FTSJ3: variants seen among roughly 807,000 people sequenced by gnomAD.
FTSJ3 encodes pre-rRNA 2'-O-ribose RNA methyltransferase FTSJ3.
A neutral mutation model predicts 111.5 loss-of-function variants in FTSJ3; 46 were observed. The observed-to-expected ratio is 0.41, with a 90% CI of 0.33 to 0.53. The LOEUF is 0.53. Among genes scored for constraint, FTSJ3 ranks in the 20% least tolerant of loss-of-function variants. The probability of loss-of-function intolerance (pLI) is 0.19; values close to 1 mark genes in which losing one functional copy is unlikely to be tolerated. For missense variants in FTSJ3, 1,075 were observed against 1,063.8 expected (o/e 1.01, Z -0.15); for synonymous variants, 408 against 383.0 (o/e 1.07, Z -0.76).
Position 63,822,152 on chromosome 17 carries a change from G to T in FTSJ3, c.1307C>A (p.Thr436Lys). The change falls in exon 14 of 21, where the codon ACA becomes AAA. Residue 436 changes from threonine to lysine, a missense_variant. Physicochemically the swap from Thr to Lys is moderately conservative, Grantham distance 78 (BLOSUM62 -1). Coordinates refer to ENST00000427159, the MANE Select transcript of FTSJ3 (RefSeq NM_017647.4). ...GTCTGCTGCACTCATATCCCCTTGT[G>T]TTACTTCCTCTAATAACTGAAGTGT... The part of the protein sequence containing the change: ...IRGHQLLEEV[T>K]QGDMSAADTF... The T allele has an allele frequency of 6.2e-7, 1 of 1,613,682 alleles. No homozygotes were observed. The highest frequency in any genetic ancestry group is 8.5e-7 in the Non-Finnish European group (1 of 1,179,770).
At chr17:63,825,761 C>A in intron 5 of FTSJ3, 126 bp from the exon 6 acceptor site, 3 of 746,546 alleles carry the variant, frequency 4.0e-6, no homozygotes, top group Non-Finnish European at 4.5e-6. Context: ...ACAGGAGATA[C>A]AATAGTAAAC....
rs1430991413 is a variant in FTSJ3, at chr17:63,819,689, C to T, written c.*113G>A. 4 of 1,004,694 alleles carry T rather than the reference C, an allele frequency of 4.0e-6. No homozygotes were observed. The highest frequency in any genetic ancestry group is 1.6e-5 in the African/African-American group (1 of 62,044). 62.2% of individuals were successfully genotyped at this position (1,004,694 alleles called of 1,614,324 possible). A position where few individuals can be genotyped will look rare whatever the true frequency, so the allele number is the denominator to read the frequency against. On this transcript the variant is annotated 3_prime_UTR_variant, in exon 21 of 21. Transcript: ENST00000427159. ...CTAGGCACTCCACCTCACTGTTCTTCAGACAGCTGTGATGTGAGCAGGGGC... is the reference window on the plus strand; with the variant it reads ...CTAGGCACTCCACCTCACTGTTCTTTAGACAGCTGTGATGTGAGCAGGGGC...
Position 63,826,653 on chromosome 17 carries a change from A to C in FTSJ3, c.87T>G (p.Ala29=). The part of the protein sequence containing the change: ...AKETGYRSRS[A]FKLIQLNRRF... ...GGCGATTGAGCTGGATCAGCTTGAA[A>C]GCAGATCGGGAACGGTAACCTGGAC... is the stretch of plus-strand genomic sequence containing the variant. Residue 29 remains alanine (A), a synonymous_variant, in exon 3 of 21, where the codon GCT becomes GCG. Transcript: ENST00000427159. 2.5e-6 allele frequency: 4 copies of C among 1,614,062 alleles called. No individual in the cohort carries two copies. The highest frequency in any genetic ancestry group is 3.4e-6 in the Non-Finnish European group (4 of 1,179,962).
chr17:63,823,301 G>A (rs114783144), intron 13 of FTSJ3, among the ~76,000 whole-genome samples: 1,714 of 152,168 alleles, frequency 0.011, 27 homozygotes, highest in African/African-American at 0.04. Flanking sequence ...AGTTCTTCAA[G>A]AATAAATCTA....
chr17:63,821,023 C>T lies in FTSJ3; in HGVS notation c.1972+7G>A. The T allele has an allele frequency of 1.9e-6, 3 of 1,613,822 alleles. No individual in the cohort carries two copies. The highest frequency in any genetic ancestry group is 2.5e-6 in the Non-Finnish European group (3 of 1,179,688). On this transcript the variant is annotated splice_region_variant and intron_variant, in intron 17 of 20. Coordinates refer to ENST00000427159, the MANE Select transcript of FTSJ3 (RefSeq NM_017647.4). ...TTTTCTCATTCCACTGCATACAGAGCTCTCACCTGGGTCCTCAATAGGCAC... is the reference window on the plus strand; with the variant it reads ...TTTTCTCATTCCACTGCATACAGAGTTCTCACCTGGGTCCTCAATAGGCAC...
chr17:63,826,757 G>T, intron 2 of FTSJ3, 79 bp downstream of exon 2: 1 of 1,553,516 alleles, frequency 6.4e-7, no homozygotes, highest in Non-Finnish European at 8.9e-7. Flanking sequence ...TGCAGGAGAG[G>T]TACATAATGG....
chr17:63,824,766 G>C (rs749232234), intron 9 of FTSJ3, 29 bp from the exon 10 acceptor site: 3 of 1,607,210 alleles, frequency 1.9e-6, no homozygotes, highest in Non-Finnish European at 2.6e-6. Context: ...AGGTGTCAGG[G>C]GAGATCCTCA....
chr17:63,822,586 C>G (rs1469546300), intron 13 of FTSJ3, among the ~76,000 whole-genome samples: 1 of 152,254 alleles, frequency 6.6e-6, no homozygotes, highest in Non-Finnish European at 1.5e-5. Flanking sequence ...TCCAACAAAA[C>G]TGTTCCACTT....
chr17:63,826,811 G>T, intron 2 of FTSJ3, 25 bp downstream of exon 2: 1 of 1,609,588 alleles, frequency 6.2e-7, no homozygotes, highest in South Asian at 1.1e-5. Flanking sequence ...TCGCTCGCTC[G>T]CAGACTGAGC....
At chr17:63,824,563 T>C in intron 10 of FTSJ3, 74 bp downstream of exon 10, 1 of 1,439,450 alleles carries the variant, frequency 6.9e-7, no homozygotes. Context: ...CAATATCCTC[T>C]TCCCAGAGGT....
intron 18 of FTSJ3, among the ~76,000 whole-genome samples, 177 bp downstream of exon 18, chr17:63,820,662 C>T (rs1726506555): frequency 6.6e-6 from 1 of 151,012 alleles, no homozygotes; most frequent in Non-Finnish European, 1.5e-5. Context: ...ACCTGTAATC[C>T]CAGCTACTCA....
Position 63,825,116 on chromosome 17 carries a change from A to G in FTSJ3, c.643T>C (p.Phe215Leu), listed in dbSNP as rs1253256652. 1.2e-6 allele frequency: 2 copies of G among 1,614,030 alleles called. No homozygotes were observed. Among genetic ancestry groups the G allele is most frequent in the Non-Finnish European group, 1.7e-6 (2 of 1,180,048 alleles). The stretch of plus-strand genomic sequence containing the variant: ...TGAACTTCAACCTCCTTAAAGGCAA[A>G]TTTGGGGTCAAAGAATTTACTGTCA... ...KVDSKFFDPK[F>L]AFKEVEVQAK... Residue 215 changes from phenylalanine (F) to leucine (L), a missense_variant, in exon 8 of 21, where the codon TTT (phenylalanine) becomes CTT (leucine). Coordinates refer to ENST00000427159, the MANE Select transcript of FTSJ3 (RefSeq NM_017647.4).
At position 63,826,119 on chromosome 17, in the gene FTSJ3, T is replaced by G. The variant is rs2040099932; in HGVS notation, c.237A>C (p.Pro79=). The G allele has an allele frequency of 6.2e-7, 1 of 1,614,054 alleles. No individual in the cohort carries two copies. Among genetic ancestry groups the G allele is most frequent in the African/African-American group, 1.3e-5 (1 of 75,050 alleles). ...TCACCACATTGGGGAGAGGCTTGAT[T>G]GGAACCAGGTCCACTCCTGGAAGAA... The part of the protein sequence containing the change: ...SSLIVGVDLV[P]IKPLPNVVTL... The change falls in exon 5 of 21, where the codon CCA becomes CCC. Residue 79 remains proline, a synonymous_variant. Coordinates refer to ENST00000427159, the MANE Select transcript of FTSJ3 (RefSeq NM_017647.4).
At chr17:63,823,744 C>A in intron 13 of FTSJ3, 73 bp downstream of exon 13, 1 of 1,540,462 alleles carries the variant, frequency 6.5e-7, no homozygotes, top group South Asian at 1.2e-5. Context: ...AAAAGACATT[C>A]AACACCCCCC....
chr17:63,827,449 C>A lies in FTSJ3; in HGVS notation c.-424G>T. 4 of 1,551,750 alleles carry A rather than the reference C, an allele frequency of 2.6e-6. No homozygotes were observed. Among genetic ancestry groups the A allele is most frequent in the Non-Finnish European group, 3.5e-6 (4 of 1,147,002 alleles). On this transcript the variant is annotated 5_prime_UTR_variant, in exon 1 of 21. Coordinates refer to ENST00000427159, the MANE Select transcript of FTSJ3 (RefSeq NM_017647.4). ...ATCCTCCGCTTCCGCGCTTGCGCGC[C>A]AAGACGGCTCGGATGCCGGCGGTCT...
chr17:63,821,599 C>A lies in FTSJ3; in HGVS notation c.1641G>T (p.Glu547Asp). 6.2e-7 allele frequency: 1 copy of A among 1,613,750 alleles called. No homozygotes were observed. Among genetic ancestry groups the A allele is most frequent in the Non-Finnish European group, 8.5e-7 (1 of 1,179,690 alleles). Residue 547 changes from glutamate (E) to aspartate (D), a missense_variant, in exon 16 of 21, where the codon GAG becomes GAT. Transcript: ENST00000427159. ...CAAATAACAGCTGGGCCTGACTGAT[C>A]TCCAGGGCCTCATCGGCATCGTCCT... ...GIEDDADEAL[E>D]ISQAQLLFEN...
rs1567750609 is a variant in FTSJ3, at chr17:63,819,821, T to C, written c.2525A>G (p.Lys842Arg). Reference sequence around the variant, plus strand: ...CTCTGCTTACTTCCGTTTGTGTTTTTTCTTTTGTTCCTTACGTTGCTGTGC... The same window carrying C: ...CTCTGCTTACTTCCGTTTGTGTTTTCTCTTTTGTTCCTTACGTTGCTGTGC... ...QRAQQRKEQK[K>R]KHKRK Residue 842 changes from lysine to arginine, a missense_variant, in exon 21 of 21, where the codon AAA becomes AGA. Coordinates refer to ENST00000427159, the MANE Select transcript of FTSJ3 (RefSeq NM_017647.4). The C allele has an allele frequency of 1.9e-6, 3 of 1,613,026 alleles. No individual in the cohort carries two copies. The highest frequency in any genetic ancestry group is 1.7e-6 in the Non-Finnish European group (2 of 1,179,482).
At position 63,821,540 on chromosome 17, in the gene FTSJ3, TTCTGCTGCTGCTGCC is replaced by T. The variant is rs747267650; in HGVS notation, c.1685_1699del (p.Arg562_Lys567delinsGln). ...AGGGGGTGTCTGTGGCAGCTGCTGC[TTCTGCTGCTGCTGCC>T]GTCCCTTCCGCCGGTTCTCAAATAA... On this transcript the variant is annotated inframe_deletion, in exon 16 of 21. Coordinates refer to ENST00000427159, the MANE Select transcript of FTSJ3 (RefSeq NM_017647.4). The T allele has an allele frequency of 1.2e-6, 2 of 1,613,938 alleles. No homozygotes were observed. The highest frequency in any genetic ancestry group is 1.7e-6 in the Non-Finnish European group (2 of 1,180,018).
At position 63,825,369 on chromosome 17, in the gene FTSJ3, T is replaced by C. The variant is rs747014308; in HGVS notation, c.468A>G (p.Thr156=). The C allele has an allele frequency of 1.9e-6, 3 of 1,614,158 alleles. No individual in the cohort carries two copies. Among genetic ancestry groups the C allele is most frequent in the East Asian group, 2.2e-5 (1 of 44,876 alleles). The change falls in exon 7 of 21, where the codon ACA becomes ACG. Residue 156 remains threonine, a synonymous_variant. Transcript: ENST00000427159. ...DFLARGGSFI[T]KVFRSRDYQP... is the part of the protein sequence containing the mutation. ...GATAGTCACGAGAACGGAAAACCTT[T>C]GTGATGAAGCTGCCACCACGGGCCA...
Sources: allele counts gnomAD v4.1 joint callset (sites outside exome capture counted in the v4.1 genomes callset), GRCh38; gene constraint gnomAD v4.1.1; transcripts MANE v1.5; gene names NCBI Gene and HGNC (gene_info 2026-07-23, HGNC 2026-07-21).